Variants in MYH15 observed in about 807,000 individuals in gnomAD.
The protein encoded by MYH15 is myosin-15.
Under a neutral mutation model 240.5 loss-of-function variants are expected in MYH15, and 227 were observed. The ratio of observed to expected loss-of-function variants is 0.94; its 90% confidence interval spans 0.85 to 1.05. The LOEUF is 1.05. Among genes scored for constraint, MYH15 ranks in the 50% least tolerant of loss-of-function variants. The pLI, the probability that MYH15 is intolerant of heterozygous loss-of-function variation, is 0.00. For synonymous variants in MYH15, 785 were observed against 796.7 expected (o/e 0.99, Z 0.25); for missense variants, 2,217 against 2,247.5 (o/e 0.99, Z 0.27).
chr3:108,428,408 A>T, intron 27 of MYH15, 84 bp downstream of exon 27: 2 of 1,466,840 alleles, frequency 1.4e-6, no homozygotes, highest in Non-Finnish European at 1.8e-6. Context: ...AAGCTGGCTT[A>T]TTTTTCTTTT....
chr3:108,458,441 A>T (rs550546575), intron 18 of MYH15, among the ~76,000 whole-genome samples: 1 of 152,320 alleles, frequency 6.6e-6, no homozygotes, highest in East Asian at 1.9e-4. Context: ...TTTGTATCAC[A>T]CTTTCCCAAA....
chr3:108,396,350 G>C (rs1470601301), intron 35 of MYH15, among the ~76,000 whole-genome samples: 1 of 127,920 alleles, frequency 7.8e-6, no homozygotes, highest in Non-Finnish European at 1.7e-5. Flanking sequence ...AGGGTTGGGG[G>C]GAGACGGTTT....
intron 38 of MYH15, among the ~76,000 whole-genome samples, chr3:108,385,715 C>T (rs1157651631): frequency 2.0e-5 from 3 of 152,116 alleles, no homozygotes; most frequent in Non-Finnish European, 4.4e-5. Context: ...TGTTTTCTGG[C>T]TCCATTTGAC....
intron 1 of MYH15, among the ~76,000 whole-genome samples, chr3:108,528,935 G>A (rs910278005): frequency 6.6e-6 from 1 of 152,152 alleles, no homozygotes; most frequent in Non-Finnish European, 1.5e-5. Flanking sequence ...AGTACAGAGA[G>A]GAAATTCAGT....
intron 4 of MYH15, 66 bp from the exon 5 acceptor site, chr3:108,499,548 C>A: frequency 6.7e-7 from 1 of 1,490,768 alleles, no homozygotes; most frequent in Non-Finnish European, 9.3e-7. Flanking sequence ...TATGAACTTA[C>A]TCAAAATTTC....
At chr3:108,485,491 T>C (rs1333915072) in intron 10 of MYH15, among the ~76,000 whole-genome samples, 1 of 152,240 alleles carries the variant, frequency 6.6e-6, no homozygotes, top group African/African-American at 2.4e-5. Flanking sequence ...CCTGCCTCTC[T>C]CTTGTTCCTT....
intron 38 of MYH15, among the ~76,000 whole-genome samples, chr3:108,387,802 T>A (rs2082395175): frequency 6.6e-6 from 1 of 152,216 alleles, no homozygotes; most frequent in African/African-American, 2.4e-5. Flanking sequence ...TCAGACTAAC[T>A]CATCTTACAA....
intron 25 of MYH15, among the ~76,000 whole-genome samples, chr3:108,436,538 T>C (rs2082838486): frequency 6.6e-6 from 1 of 152,174 alleles, no homozygotes; most frequent in South Asian, 2.1e-4. Context: ...TATACTACTA[T>C]CTTTAATGTG....
At chr3:108,421,633 G>C (rs1202187584) in intron 27 of MYH15, among the ~76,000 whole-genome samples, 1 of 152,184 alleles carries the variant, frequency 6.6e-6, no homozygotes, top group Non-Finnish European at 1.5e-5. Context: ...GTATAGAATA[G>C]TGCCTGGCAC....
Position 108,454,134 on chromosome 3 carries a change from AAAAAACACCTAAAGG to A in MYH15, c.2263-7_2270del. 6.2e-7 allele frequency: 1 copy of A among 1,609,348 alleles called. No homozygotes were observed. The highest frequency in any genetic ancestry group is 8.5e-7 in the Non-Finnish European group (1 of 1,176,784). ...CCAGTTGGCCCAGAAACCCAGCTTTAAAAAACACCTAAAGGAAAAGTCAGATGTTAGCTCCACTGA... is the reference window on the plus strand; with the variant it reads ...CCAGTTGGCCCAGAAACCCAGCTTTAAAAAGTCAGATGTTAGCTCCACTGA... On this transcript the variant is annotated splice_acceptor_variant and splice_polypyrimidine_tract_variant and coding_sequence_variant and intron_variant, in exon 21 of 41. Coordinates refer to ENST00000693548, the MANE Select transcript of MYH15 (RefSeq NM_014981.3). LOFTEE classifies it high-confidence loss of function.
the MYH15 span, among the ~76,000 whole-genome samples, chr3:108,546,916 G>A: frequency 6.6e-6 from 1 of 152,040 alleles, no homozygotes; most frequent in Non-Finnish European, 1.5e-5. Flanking sequence ...GACTGTGTAA[G>A]GTTTCAAAGT....
intron 31 of MYH15, among the ~76,000 whole-genome samples, chr3:108,409,546 C>T (rs1475560703): frequency 5.9e-5 from 9 of 152,200 alleles, no homozygotes; most frequent in Admixed American, 5.9e-4. Flanking sequence ...TGTTTTAGCA[C>T]CCGTCACGTC....
intron 29 of MYH15, among the ~76,000 whole-genome samples, 160 bp downstream of exon 29, chr3:108,416,652 A>G (rs2082635335): frequency 6.6e-6 from 1 of 152,158 alleles, no homozygotes. Context: ...AAGATCCTTC[A>G]GTCATCAGGG....
At position 108,505,790 on chromosome 3, in the gene MYH15, T is replaced by TAAG. The variant is rs1560437948; in HGVS notation, c.125_127dup (p.Ala42_Tyr43insSer). The stretch of plus-strand genomic sequence containing the variant: ...ACTCCCTTTTACCTCAGCCTCGATA[T>TAAG]AAGCATTCTCACCATCAGGAATCCA... On this transcript the variant is annotated inframe_insertion, in exon 2 of 41. Coordinates refer to ENST00000693548, the MANE Select transcript of MYH15 (RefSeq NM_014981.3). 1.7e-5 allele frequency: 27 copies of TAAG among 1,610,956 alleles called. No individual in the cohort carries two copies. The highest frequency in any genetic ancestry group is 2.1e-5 in the Non-Finnish European group (25 of 1,179,412).
At chr3:108,433,605 C>A (rs1817234) in intron 25 of MYH15, among the ~76,000 whole-genome samples, 35,513 of 151,882 alleles carry the variant, frequency 0.23, 4,693 homozygotes, top group Non-Finnish European at 0.3. Flanking sequence ...ATCATGGGGG[C>A]AAGTCTTTCC....
chr3:108,455,979 A>G, intron 19 of MYH15, 120 bp from the exon 20 acceptor site: 3 of 950,174 alleles, frequency 3.2e-6, no homozygotes, highest in Non-Finnish European at 4.7e-6. Flanking sequence ...TAATATGTTC[A>G]ATTTTCACAA....
chr3:108,549,526 T>C, the MYH15 span, among the ~76,000 whole-genome samples: 9 of 152,104 alleles, frequency 5.9e-5, no homozygotes, highest in African/African-American at 1.7e-4. Flanking sequence ...TAATTATTTA[T>C]ATAGATCTTT....
At chr3:108,503,955 C>A (rs2083456260) in intron 2 of MYH15, among the ~76,000 whole-genome samples, 1 of 152,124 alleles carries the variant, frequency 6.6e-6, no homozygotes, top group South Asian at 2.1e-4. Flanking sequence ...TAATGGAATA[C>A]TATTTATCCA....
At chr3:108,476,950 C>T (rs764860479) in intron 11 of MYH15, among the ~76,000 whole-genome samples, 5 of 152,030 alleles carry the variant, frequency 3.3e-5, no homozygotes, top group Non-Finnish European at 7.4e-5. Flanking sequence ...TACTATGGAA[C>T]CCAGCAATAT....
Sources: allele counts gnomAD v4.1 joint callset (sites outside exome capture counted in the v4.1 genomes callset), GRCh38; gene constraint gnomAD v4.1.1; transcripts MANE v1.5; gene names NCBI Gene and HGNC (gene_info 2026-07-23, HGNC 2026-07-21).